Variants in TCF3 observed in about 807,000 individuals in gnomAD.
TCF3 encodes transcription factor 3.
Under a neutral mutation model 72.3 loss-of-function variants are expected in TCF3, and 54 were observed. The observed-to-expected ratio is 0.75, with a 90% CI of 0.60 to 0.94. The LOEUF (loss-of-function observed/expected upper bound fraction) is 0.94. TCF3 is among the 40% of genes least tolerant of loss of function. The pLI is 0.00. For missense variants in TCF3, 1,078 were observed against 934.4 expected (o/e 1.15, Z -2.00); for synonymous variants, 525 against 412.6 (o/e 1.27, Z -3.30).
At chr19:1,617,324 C>T (rs775430406) in intron 16 of TCF3, among the ~76,000 whole-genome samples, 5 of 152,226 alleles carry the variant, frequency 3.3e-5, no homozygotes, top group East Asian at 3.8e-4. Context: ...GGACCCCAGC[C>T]GCTCACACCA....
At chr19:1,622,004 T>C (rs770179552) in intron 10 of TCF3, 34 bp from the exon 11 acceptor site, 1 of 1,599,294 alleles carries the variant, frequency 6.3e-7, no homozygotes, top group Non-Finnish European at 8.5e-7. Flanking sequence ...GTGGGTTAGA[T>C]GGGCACTGCC....
At chr19:1,619,680 T>C (rs1226359027) in intron 14 of TCF3, 100 bp downstream of exon 14, 2 of 1,299,948 alleles carry the variant, frequency 1.5e-6, no homozygotes. Flanking sequence ...GCTTGGGGCT[T>C]ATTTACAAGA....
chr19:1,627,312 A>G, intron 6 of TCF3, 47 bp downstream of exon 6: 1 of 1,526,948 alleles, frequency 6.5e-7, no homozygotes, highest in Non-Finnish European at 8.9e-7. Context: ...TGGGTGACAG[A>G]TTTGTTTAAA....
In TCF3 at chr19:1,615,812, C is replaced by A. The variant is rs745516889; in HGVS notation, c.1460G>T (p.Arg487Leu). Residue 487 changes from arginine (R) to leucine (L), a missense_variant, in exon 17 of 19, where the codon CGA (arginine) becomes CTA (leucine). Physicochemically the swap from Arg to Leu is moderately radical, Grantham distance 102. Transcript: ENST00000262965. The surrounding 1 kb of genome is among the most constrained non-coding windows in gnomAD (Gnocchi z 7.3). ...GCTGGCGGCCGCCGTGGCACCTGCT[C>A]GCCCTAGCCCTGCAACAGGCCTAGG... is the stretch of plus-strand genomic sequence containing the variant. ...RPPDSYSGLG[R>L]AGATAAASEI... The A allele has an allele frequency of 6.4e-7, 1 of 1,559,396 alleles. No homozygotes were observed. The highest frequency in any genetic ancestry group is 8.7e-7 in the Non-Finnish European group (1 of 1,149,540).
At chr19:1,622,485 G>A (rs535332333) in intron 8 of TCF3, 70 bp from the exon 9 acceptor site, 21 of 862,678 alleles carry the variant, frequency 2.4e-5, no homozygotes, top group East Asian at 1.2e-4. Flanking sequence ...GCACCTTGCC[G>A]GCCTCCTGTC....
chr19:1,631,931 G>A, intron 5 of TCF3, 107 bp downstream of exon 5: 1 of 1,545,660 alleles, frequency 6.5e-7, no homozygotes, highest in Non-Finnish European at 8.7e-7. Context: ...ACACCCTCTG[G>A]GTGAACGCTG....
rs1297949618 is a variant in TCF3, at chr19:1,619,361, T to A, written c.1281A>T (p.Ser427=). The change falls in exon 15 of 19, where the codon TCA becomes TCT. Residue 427 remains serine, a synonymous_variant. Coordinates refer to ENST00000262965, the MANE Select transcript of TCF3 (RefSeq NM_003200.5). ...TLLPGHGALA[S]GFTGPMSLGG... The stretch of plus-strand genomic sequence containing the variant: ...CCAGTGACATGGGGCCGGTGAAACC[T>A]GAGGCCAGCGCCCCGTGGCCAGGCA... The A allele has an allele frequency of 6.3e-7, 1 of 1,586,884 alleles. No homozygotes were observed. The highest frequency in any genetic ancestry group is 1.3e-5 in the African/African-American group (1 of 74,626).
At position 1,614,637 on chromosome 19, in the gene TCF3, C is replaced by T. The variant is rs181121863; in HGVS notation, c.1822+648G>A. The stretch of plus-strand genomic sequence containing the variant: ...AGTGCTGCAGGAGAGAAAGGGTTAA[C>T]GGGGTGCAGGCGAGGAAAGGAAGGA... On this transcript the variant is annotated intron_variant, in intron 18 of 18. Coordinates refer to ENST00000262965, the MANE Select transcript of TCF3 (RefSeq NM_003200.5). The surrounding 1 kb of genome is among the most constrained non-coding windows in gnomAD (Gnocchi z 5.6). Among the ~76,000 whole-genome samples, 499 of 152,202 alleles carry T rather than the reference C, an allele frequency of 3.3e-3. 4 individuals carry two copies. Among genetic ancestry groups the T allele is most frequent in the African/African-American group, 0.011 (473 of 41,510 alleles).
intron 16 of TCF3, among the ~76,000 whole-genome samples, chr19:1,617,873 CCT>C (rs1296853710): frequency 2.0e-5 from 3 of 152,192 alleles, no homozygotes; most frequent in African/African-American, 4.8e-5. Flanking sequence ...TCCCCTCAGC[CCT>C]GACAACTGTA....
intron 3 of TCF3, among the ~76,000 whole-genome samples, chr19:1,643,799 T>C (rs2065672800): frequency 6.6e-6 from 1 of 152,230 alleles, no homozygotes; most frequent in Non-Finnish European, 1.5e-5. Context: ...TATTCTCACC[T>C]GGGTTTCTGG....
chr19:1,647,322 C>A (rs181758099), intron 2 of TCF3, among the ~76,000 whole-genome samples: 14 of 152,360 alleles, frequency 9.2e-5, no homozygotes, highest in East Asian at 1.9e-4. Context: ...AGGCTCCCAT[C>A]GGGGCTTAAG....
At chr19:1,644,118 A>C (rs2145523240) in intron 3 of TCF3, among the ~76,000 whole-genome samples, 1 of 152,344 alleles carries the variant, frequency 6.6e-6, no homozygotes, top group South Asian at 2.1e-4. Flanking sequence ...GGAGAGGAGA[A>C]GCAGGAAGCG....
rs1018527005 is a variant in TCF3 at position 1,641,872 on chromosome 19, G to A, written c.145+4483C>T. Among the ~76,000 whole-genome samples, 4 of 152,020 alleles carry A rather than the reference G, an allele frequency of 2.6e-5. No homozygotes were observed. In the East Asian group the frequency reaches 7.7e-4, roughly 29 times the overall value. ...CCTCCCAAAGTGCTGGGGATTACCA[G>A]TGTGAGCCGCTGACCCAGCCCTCTA... is the stretch of plus-strand genomic sequence containing the variant. On this transcript the variant is annotated intron_variant, in intron 3 of 18. Transcript: ENST00000262965.
Position 1,619,444 on chromosome 19 carries a change from C to A in TCF3, c.1198G>T (p.Ala400Ser). 6.3e-7 allele frequency: 1 copy of A among 1,589,054 alleles called. No homozygotes were observed. Among genetic ancestry groups the A allele is most frequent in the Middle Eastern group, 2.2e-4 (1 of 4,484 alleles). ...QSKIEDHLDEAIHVLRSHAVG... is the reference protein window; with the variant it reads ...QSKIEDHLDESIHVLRSHAVG... ...GCGTGGCTGCGGAGCACGTGGATGG[C>A]CTCGTCCAGGTGGTCTTCTATCTTA... Residue 400 changes from alanine (A) to serine (S), a missense_variant, in exon 15 of 19, where the codon GCC (alanine) becomes TCC (serine). Physicochemically the swap from Ala to Ser is moderately conservative, Grantham distance 99 (BLOSUM62 1). Coordinates refer to ENST00000262965, the MANE Select transcript of TCF3 (RefSeq NM_003200.5).
At chr19:1,637,141 G>A (rs185164985) in intron 3 of TCF3, among the ~76,000 whole-genome samples, 375 of 148,706 alleles carry the variant, frequency 2.5e-3, no homozygotes, top group Non-Finnish European at 4.2e-3. Context: ...TCCACCAGAA[G>A]CGGGGACAAC....
intron 5 of TCF3, chr19:1,631,835 G>A: frequency 3.7e-6 from 5 of 1,368,910 alleles, no homozygotes; most frequent in Non-Finnish European, 4.9e-6. Flanking sequence ...AAGCCTAGTT[G>A]CAGAGTGCCG....
intron 5 of TCF3, among the ~76,000 whole-genome samples, chr19:1,630,778 G>C (rs534212297): frequency 6.8e-4 from 103 of 152,238 alleles, no homozygotes; most frequent in African/African-American, 2.4e-3. Flanking sequence ...GGACCCCTGA[G>C]GCCCTTACCA....
In TCF3 at chr19:1,611,716, C is replaced by T. The variant is rs752215115; in HGVS notation, c.1956G>A (p.Gly652=). 15 of 1,612,910 alleles carry T rather than the reference C, an allele frequency of 9.3e-6. No homozygotes were observed. Among genetic ancestry groups the T allele is most frequent in the Non-Finnish European group, 1.3e-5 (15 of 1,179,606 alleles). ...CACGGAGGCATACCTTTCACATGTG[C>T]CCGGCGGGGTTGTGGGCTTCGCTCA... ...PGLSEAHNPA[G]HM The change falls in exon 19 of 19, where the codon GGG becomes GGA. Residue 652 remains glycine, a synonymous_variant. Coordinates refer to ENST00000262965, the MANE Select transcript of TCF3 (RefSeq NM_003200.5).
Position 1,644,946 on chromosome 19 carries a change from T to C in TCF3, c.145+1409A>G, listed in dbSNP as rs149260559. Among the ~76,000 whole-genome samples the C allele has an allele frequency of 6.3e-4, 96 of 152,254 alleles. 1 individual carries two copies. Among genetic ancestry groups the C allele is most frequent in the African/African-American group, 2.3e-3 (94 of 41,554 alleles). On this transcript the variant is annotated intron_variant, in intron 3 of 18. Transcript: ENST00000262965. ...TGCCTCACACAGGGAAGCATTAGCA[T>C]GTCCGGTTCCTGGGGCTGTTTCCGG...
Sources: gnomAD v4.1 joint callset for allele counts (sites outside exome capture counted in the v4.1 genomes callset) on GRCh38, gnomAD v4.1.1 for gene constraint, Gnocchi (gnomAD v3.1) non-coding constraint, MANE v1.5 for transcripts, NCBI Gene and HGNC (gene_info 2026-07-23, HGNC 2026-07-21) for gene names.